MFSD11: variants seen among roughly 807,000 people sequenced by gnomAD.
The protein encoded by MFSD11 is UNC93-like protein MFSD11.
A neutral mutation model predicts 53.5 loss-of-function variants in MFSD11; 36 were observed. The observed-to-expected ratio is 0.67, with a 90% confidence interval of 0.52 to 0.89. The LOEUF (loss-of-function observed/expected upper bound fraction) is 0.89. Ranked by LOEUF, MFSD11 falls within the 40% of genes least tolerant of loss-of-function variation. The probability of loss-of-function intolerance (pLI) is 0.00; values close to 1 mark genes in which losing one functional copy is unlikely to be tolerated. For missense variants in MFSD11, 530 were observed against 543.9 expected (o/e 0.97, Z 0.25); for synonymous variants, 186 against 184.9 (o/e 1.01, Z -0.05).
At chr17:76,785,294 G>GT (rs2082260280), downstream of MFSD11, among the ~76,000 whole-genome samples, 1 of 152,156 alleles carries the variant, frequency 6.6e-6, no homozygotes, top group African/African-American at 2.4e-5. Context: ...ATGTAGAATG[G>GT]TGGGCTGGTG....
At chr17:76,754,336 C>T (rs2079360906) in intron 8 of MFSD11, 1 of 429,286 alleles carries the variant, frequency 2.3e-6, no homozygotes. Context: ...CTGCATAGCA[C>T]TCAGGTTCTC....
chr17:76,769,725 G>GT (rs749395158), intron 9 of MFSD11, 21 bp from the exon 10 acceptor site: 115 of 1,556,516 alleles, frequency 7.4e-5, no homozygotes, highest in South Asian at 1.3e-4. Context: ...AATGACATCT[G>GT]TTTTTTTTCT....
chr17:76,750,921 G>C, intron 7 of MFSD11, among the ~76,000 whole-genome samples: 1 of 149,296 alleles, frequency 6.7e-6, no homozygotes, highest in East Asian at 2.0e-4. Context: ...CTGCTGCCTC[G>C]GCCTCCCAAG....
the MFSD11 span, among the ~76,000 whole-genome samples, chr17:76,787,690 C>T: frequency 6.7e-6 from 1 of 149,278 alleles, no homozygotes; most frequent in Admixed American, 6.7e-5. Context: ...AAAATAAAAC[C>T]CTAACCCCCC....
intron 8 of MFSD11, among the ~76,000 whole-genome samples, chr17:76,764,562 G>A (rs1045781350): frequency 5.3e-5 from 8 of 152,120 alleles, no homozygotes; most frequent in African/African-American, 4.8e-5. Flanking sequence ...GTTCATCCAC[G>A]TTGCCCTAAA....
At chr17:76,755,791 C>CATATATATATATATATATATATAT (rs71158064) in intron 8 of MFSD11, among the ~76,000 whole-genome samples, 1 of 16,104 alleles carries the variant, frequency 6.2e-5, no homozygotes, top group African/African-American at 2.3e-4. Flanking sequence ...TGTGTGTATA[C>CATATATATATATATATATATATAT]ATATATATAT....
chr17:76,790,398 G>A, the MFSD11 span, among the ~76,000 whole-genome samples: 2 of 146,520 alleles, frequency 1.4e-5, no homozygotes, highest in African/African-American at 5.0e-5. Context: ...CTGGAGGGCA[G>A]TGGCGTGATC....
At chr17:76,751,741 GA>G in intron 7 of MFSD11, among the ~76,000 whole-genome samples, 1 of 151,406 alleles carries the variant, frequency 6.6e-6, no homozygotes, top group Admixed American at 6.6e-5. Flanking sequence ...AAAAATTAAG[GA>G]AAAAATATTT....
At chr17:76,783,349 T>C (rs2082218650), downstream of MFSD11, among the ~76,000 whole-genome samples, 1 of 152,146 alleles carries the variant, frequency 6.6e-6, no homozygotes, top group African/African-American at 2.4e-5. Flanking sequence ...ATATTTAGAT[T>C]TGGCTTAGAC....
At chr17:76,752,850 CT>C (rs1049184679) in intron 7 of MFSD11, 2 of 152,116 alleles carry the variant, frequency 1.3e-5, no homozygotes, top group African/African-American at 4.8e-5. Flanking sequence ...ATAACCTTCC[CT>C]TTTAAAACCT....
chr17:76,786,756 A>C, the MFSD11 span, among the ~76,000 whole-genome samples: 1 of 152,192 alleles, frequency 6.6e-6, no homozygotes, highest in Admixed American at 6.5e-5. Flanking sequence ...CCCAGCTGGT[A>C]CCAAAATTCC....
chr17:76,738,594 G>T, intron 1 of MFSD11, 146 bp downstream of exon 1: 1 of 647,504 alleles, frequency 1.5e-6, no homozygotes, highest in South Asian at 2.0e-5. Flanking sequence ...TTATGATTAG[G>T]TTTGATTTCT....
chr17:76,748,742 A>C (rs527701243), intron 7 of MFSD11, among the ~76,000 whole-genome samples: 2 of 151,020 alleles, frequency 1.3e-5, no homozygotes, highest in South Asian at 4.2e-4. Flanking sequence ...CTGAGGACTT[A>C]TTAGCTGGGT....
chr17:76,767,842 T>A (rs2080997006), intron 9 of MFSD11, among the ~76,000 whole-genome samples: 1 of 152,172 alleles, frequency 6.6e-6, no homozygotes, highest in Non-Finnish European at 1.5e-5. Context: ...TTCTACTGGA[T>A]TCTGTTGGTG....
intron 8 of MFSD11, among the ~76,000 whole-genome samples, chr17:76,757,945 G>C (rs577698405): frequency 6.6e-6 from 1 of 152,214 alleles, no homozygotes; most frequent in African/African-American, 2.4e-5. Flanking sequence ...AAGAGGCGGA[G>C]GTTGCAGTGA....
chr17:76,747,321 C>T (rs933378703), intron 7 of MFSD11, among the ~76,000 whole-genome samples: 3 of 150,120 alleles, frequency 2.0e-5, no homozygotes, highest in African/African-American at 7.3e-5. Flanking sequence ...TGAGACCAGA[C>T]GGGGCAACAT....
At chr17:76,742,367 A>G in intron 5 of MFSD11, 94 bp downstream of exon 5, 2 of 982,192 alleles carry the variant, frequency 2.0e-6, no homozygotes, top group Non-Finnish European at 3.1e-6. Context: ...TGGATCTTCC[A>G]TGTTACGTGA....
At chr17:76,762,506 A>G (rs1436825441) in intron 8 of MFSD11, among the ~76,000 whole-genome samples, 3 of 152,154 alleles carry the variant, frequency 2.0e-5, no homozygotes, top group Non-Finnish European at 4.4e-5. Context: ...CTCTACTAAA[A>G]ATACAAAAAA....
intron 8 of MFSD11, among the ~76,000 whole-genome samples, chr17:76,758,309 G>C (rs2079850390): frequency 2.3e-5 from 1 of 42,784 alleles, no homozygotes. Flanking sequence ...GCTGGGCACA[G>C]TGGTTCATGC....
Sources: gnomAD v4.1 joint callset for allele counts (sites outside exome capture counted in the v4.1 genomes callset) on GRCh38, gnomAD v4.1.1 for gene constraint, MANE v1.5 for transcripts, NCBI Gene and HGNC (gene_info 2026-07-23, HGNC 2026-07-21) for gene names.